The following COA1 variants were observed in gnomAD, a reference collection of about 807,000 sequenced individuals.
The protein encoded by COA1 is cytochrome c oxidase assembly factor 1.
COA1 carries 13 observed loss-of-function variants against 16.0 expected under a neutral mutation model. That is an observed-to-expected ratio of 0.81 (90% confidence interval 0.53 to 1.29). The LOEUF is 1.29. Among genes scored for constraint, COA1 ranks in the 50% most tolerant of loss-of-function variants. The pLI, the probability that COA1 is intolerant of heterozygous loss-of-function variation, is 0.00. For synonymous variants in COA1, 65 were observed against 65.7 expected (o/e 0.99, Z 0.05); for missense variants, 179 against 177.0 (o/e 1.01, Z -0.06).
intron 1 of COA1, among the ~76,000 whole-genome samples, chr7:43,682,369 G>A (rs1383522135): frequency 6.6e-6 from 1 of 152,176 alleles, no homozygotes; most frequent in Non-Finnish European, 1.5e-5. Flanking sequence ...CTGGAAGAAA[G>A]CATATCATAC....
At chr7:43,662,419 G>A (rs2092526640) in intron 1 of COA1, among the ~76,000 whole-genome samples, 1 of 152,136 alleles carries the variant, frequency 6.6e-6, no homozygotes, top group African/African-American at 2.4e-5. Context: ...TTTTAGTAGA[G>A]ACGGGGTTTC....
At chr7:43,654,928 G>A (rs1459270897) in intron 1 of COA1, among the ~76,000 whole-genome samples, 1 of 152,122 alleles carries the variant, frequency 6.6e-6, no homozygotes, top group Non-Finnish European at 1.5e-5. Flanking sequence ...CAACCAAACT[G>A]TGTGAAGAGG....
At chr7:43,674,524 G>C (rs1238868055) in intron 1 of COA1, among the ~76,000 whole-genome samples, 1 of 152,206 alleles carries the variant, frequency 6.6e-6, no homozygotes, top group Non-Finnish European at 1.5e-5. Flanking sequence ...GGAAGAGTTG[G>C]AGAAATCACC....
intron 1 of COA1, among the ~76,000 whole-genome samples, chr7:43,677,516 T>C (rs975877569): frequency 6.6e-6 from 1 of 152,184 alleles, no homozygotes; most frequent in African/African-American, 2.4e-5. Flanking sequence ...CTTTGTTCTG[T>C]AGCTGGGCTC....
chr7:43,655,330 A>G (rs1035139633), intron 1 of COA1, among the ~76,000 whole-genome samples: 1 of 152,140 alleles, frequency 6.6e-6, no homozygotes, highest in Non-Finnish European at 1.5e-5. Flanking sequence ...AAAGACATAC[A>G]ATATTTAAAT....
intron 1 of COA1, among the ~76,000 whole-genome samples, chr7:43,662,910 T>G (rs1391311223): frequency 1.3e-5 from 2 of 152,220 alleles, no homozygotes; most frequent in Non-Finnish European, 2.9e-5. Context: ...GTTATTACTA[T>G]TTTTGTCATA....
chr7:43,650,371 G>A (rs1170292857), intron 1 of COA1: 1 of 152,002 alleles, frequency 6.6e-6, no homozygotes, highest in Non-Finnish European at 1.5e-5. Flanking sequence ...AAAGGATGAT[G>A]GAGCTAACAA....
At chr7:43,706,987 A>G (rs2095010456) in intron 1 of COA1, among the ~76,000 whole-genome samples, 1 of 152,174 alleles carries the variant, frequency 6.6e-6, no homozygotes, top group African/African-American at 2.4e-5. Flanking sequence ...CCTGGCCAAC[A>G]TGGAGATGCC....
chr7:43,675,656 G>A (rs962896267), intron 1 of COA1, among the ~76,000 whole-genome samples: 4 of 151,922 alleles, frequency 2.6e-5, no homozygotes, highest in Admixed American at 2.0e-4. Context: ...TAGCATAGAG[G>A]TATATTAATT....
chr7:43,679,621 T>C (rs910159262), intron 1 of COA1, among the ~76,000 whole-genome samples: 2 of 152,224 alleles, frequency 1.3e-5, no homozygotes, highest in Admixed American at 6.5e-5. Context: ...AATCATCCCC[T>C]GGACTAGAAT....
At chr7:43,654,279 C>T (rs1197385416) in intron 1 of COA1, among the ~76,000 whole-genome samples, 1 of 152,162 alleles carries the variant, frequency 6.6e-6, no homozygotes, top group African/African-American at 2.4e-5. Context: ...GTTTCTATAT[C>T]CATTCAGAGA....
chr7:43,668,133 C>A (rs775063488), intron 1 of COA1, among the ~76,000 whole-genome samples: 12 of 152,168 alleles, frequency 7.9e-5, no homozygotes, highest in Non-Finnish European at 1.0e-4. Context: ...CCAATAAAAG[C>A]CCCTTGGGGA....
At chr7:43,655,036 A>T (rs540380793) in intron 1 of COA1, among the ~76,000 whole-genome samples, 180 of 152,382 alleles carry the variant, frequency 1.2e-3, no homozygotes, top group African/African-American at 4.2e-3. Context: ...TATTGAAAAA[A>T]AATCCAAATT....
In COA1 at chr7:43,639,732, C is replaced by T. The variant is rs369512239; in HGVS notation, c.342-51G>A. On this transcript the variant is annotated intron_variant, in intron 5 of 5. Coordinates refer to ENST00000223336, the MANE Select transcript of COA1 (RefSeq NM_018224.4). ...CTCTAATCTATGAAGGCTGAGGCAA[C>T]AGCCGTAGTCAAAAAAAGGGGCGCG... is the stretch of plus-strand genomic sequence containing the variant. 24 of 1,424,122 alleles carry T rather than the reference C, an allele frequency of 1.7e-5. No homozygotes were observed. In the African/African-American group the frequency reaches 1.7e-4, roughly 10 times the overall value. 88.2% of individuals were successfully genotyped at this position (1,424,122 alleles called of 1,614,324 possible). A position where few individuals can be genotyped will look rare whatever the true frequency, so the allele number is the denominator to read the frequency against.
At chr7:43,696,657 CCAT>C (rs1563403139) in intron 1 of COA1, among the ~76,000 whole-genome samples, 1 of 151,420 alleles carries the variant, frequency 6.6e-6, no homozygotes, top group Admixed American at 6.6e-5. Flanking sequence ...TAGGCTACAT[CCAT>C]ATATAATAAA....
At chr7:43,656,844 A>G (rs754223201) in intron 1 of COA1, among the ~76,000 whole-genome samples, 44 of 152,102 alleles carry the variant, frequency 2.9e-4, no homozygotes, top group Non-Finnish European at 4.9e-4. Context: ...AGAAAAGAAA[A>G]GAACTAGAGA....
At chr7:43,657,115 A>T (rs544031077) in intron 1 of COA1, 1 of 152,348 alleles carries the variant, frequency 6.6e-6, no homozygotes, top group African/African-American at 2.4e-5. Flanking sequence ...TTACCTTGCA[A>T]AGTACAACAT....
downstream of COA1, among the ~76,000 whole-genome samples, chr7:43,638,243 T>TGAGA (rs1347769787): frequency 6.7e-6 from 1 of 150,160 alleles, no homozygotes; most frequent in Non-Finnish European, 1.5e-5. Context: ...TTTTTTTTCC[T>TGAGA]GAGAGGCTTC....
downstream of COA1, among the ~76,000 whole-genome samples, chr7:43,637,649 A>C (rs2086126135): frequency 6.6e-6 from 1 of 152,236 alleles, no homozygotes; most frequent in Non-Finnish European, 1.5e-5. Context: ...GCAGTGATCA[A>C]GTTCCAGCCT....
Sources: gnomAD v4.1 joint callset for allele counts (sites outside exome capture counted in the v4.1 genomes callset) on GRCh38, gnomAD v4.1.1 for gene constraint, MANE v1.5 for transcripts, NCBI Gene and HGNC (gene_info 2026-07-23, HGNC 2026-07-21) for gene names.